Variants in TCF25 observed in about 807,000 individuals in gnomAD.
The protein encoded by TCF25 is TCF25 ribosome quality control complex subunit.
Under a neutral mutation model 83.1 loss-of-function variants are expected in TCF25, and 41 were observed. The ratio of observed to expected loss-of-function variants is 0.49; its 90% CI spans 0.38 to 0.64. The LOEUF is 0.64. Among genes scored for constraint, TCF25 ranks in the 30% least tolerant of loss-of-function variants. TCF25 has a pLI of 0.00. For synonymous variants in TCF25, 458 were observed against 365.0 expected, an observed-to-expected ratio of 1.25 and a Z score of -2.90; for missense variants, 979 against 914.5, an observed-to-expected ratio of 1.07 and a Z score of -0.91.
At chr16:89,883,271 C>G (rs1597281490) in intron 1 of TCF25, 80 bp from the exon 2 acceptor site, 19 of 1,555,536 alleles carry the variant, frequency 1.2e-5, no homozygotes, top group Non-Finnish European at 1.7e-5. Flanking sequence ...CAAGCCCGTT[C>G]ACATCTCACT....
At position 89,898,628 on chromosome 16, in the gene TCF25, A is replaced by C; in HGVS notation, c.1094A>C (p.Glu365Ala). Residue 365 changes from glutamate to alanine, a missense_variant, in exon 10 of 18, where the codon GAG (glutamate) becomes GCG (alanine). Coordinates refer to ENST00000263346, the MANE Select transcript of TCF25 (RefSeq NM_014972.3). The stretch of plus-strand genomic sequence containing the variant: ...CGAGGCTGCCCGCGCACGGCGCTGG[A>C]GTACTGCAAGCTCATCCTGAGGTGA... ...EKRGCPRTAL[E>A]YCKLILSLEP... 3 of 1,612,938 alleles carry C rather than the reference A, an allele frequency of 1.9e-6. No homozygotes were observed. Among genetic ancestry groups the C allele is most frequent in the Non-Finnish European group, 2.5e-6 (3 of 1,180,010 alleles).
rs866364815 is a variant in TCF25, at chr16:89,877,117, T to A, written c.192+3258T>A. 2.6e-3 allele frequency among the ~76,000 whole-genome samples: 385 copies of A among 150,420 alleles called. 4 individuals carry two copies. The highest frequency in any genetic ancestry group is 8.5e-3 in the African/African-American group (343 of 40,194). On this transcript the variant is annotated intron_variant, in intron 1 of 17. Coordinates refer to ENST00000263346, the MANE Select transcript of TCF25 (RefSeq NM_014972.3). Reference sequence around the variant, plus strand: ...ACTCTGTCTCAAAAAAATAAATAAATAAATAAATAAATAAATCGTAATAAT... The same window carrying A: ...ACTCTGTCTCAAAAAAATAAATAAAAAAATAAATAAATAAATCGTAATAAT...
Position 89,911,264 on chromosome 16 carries a change from C to A in TCF25, c.*26C>A. 6.2e-7 allele frequency: 1 copy of A among 1,606,426 alleles called. No homozygotes were observed. The highest frequency in any genetic ancestry group is 8.5e-7 in the Non-Finnish European group (1 of 1,175,064). On this transcript the variant is annotated 3_prime_UTR_variant, in exon 18 of 18. Transcript: ENST00000263346. ...GCGTCCGCAGAGGTGACCGAAAAGC[C>A]GTATGATGATGTTCCCGATTTCTCT...
At chr16:89,885,663 G>A (rs7205500) in intron 3 of TCF25, among the ~76,000 whole-genome samples, 185 bp from the exon 4 acceptor site, 6,501 of 152,206 alleles carry the variant, frequency 0.043, 492 homozygotes, top group African/African-American at 0.15. Flanking sequence ...TATGCTGAGC[G>A]CTTCTTAGGA....
chr16:89,893,299 C>T (rs1045898346), intron 6 of TCF25, among the ~76,000 whole-genome samples: 3 of 152,206 alleles, frequency 2.0e-5, no homozygotes, highest in Non-Finnish European at 2.9e-5. Flanking sequence ...AGAGGCCTGG[C>T]GCTGTGGCCA....
In TCF25 at chr16:89,892,740, T is replaced by G. The variant is rs535106276; in HGVS notation, c.697+465T>G. On this transcript the variant is annotated intron_variant, in intron 6 of 17. Transcript: ENST00000263346. ...TGCAACAGTGAAGACAGGCATGGAGTGTTGGGTGCTTGGTTGTGTGGTGTG... is the reference window on the plus strand; with the variant it reads ...TGCAACAGTGAAGACAGGCATGGAGGGTTGGGTGCTTGGTTGTGTGGTGTG... Among the ~76,000 whole-genome samples, 4 of 151,910 alleles carry G rather than the reference T, an allele frequency of 2.6e-5. No homozygotes were observed. In the East Asian group the frequency reaches 7.8e-4, roughly 30 times the overall value.
intron 15 of TCF25, 34 bp from the exon 16 acceptor site, chr16:89,907,209 C>A: frequency 6.2e-7 from 1 of 1,608,686 alleles, no homozygotes; most frequent in Non-Finnish European, 8.5e-7. Context: ...CTGGCAGCAT[C>A]TGTAGCATCT....
intron 6 of TCF25, among the ~76,000 whole-genome samples, chr16:89,893,411 C>T (rs543854192): frequency 1.3e-5 from 2 of 152,326 alleles, no homozygotes; most frequent in South Asian, 2.1e-4. Context: ...TCAGATCTGG[C>T]GATCTGTGGA....
intron 5 of TCF25, among the ~76,000 whole-genome samples, chr16:89,888,940 G>A (rs1220621556): frequency 6.7e-6 from 1 of 150,162 alleles, no homozygotes; most frequent in Admixed American, 6.7e-5. Flanking sequence ...ACTTGCCTTG[G>A]CCTCCCAAAG....
intron 16 of TCF25, 60 bp downstream of exon 16, chr16:89,907,382 GCTCCCA>G: frequency 2.5e-6 from 1 of 400,464 alleles, no homozygotes; most frequent in Non-Finnish European, 3.5e-6. Context: ...CCAGTTCCCA[GCTCCCA>G]GCTCCCACCT....
chr16:89,885,405 A>G (rs2042928489), intron 3 of TCF25, among the ~76,000 whole-genome samples: 1 of 152,204 alleles, frequency 6.6e-6, no homozygotes, highest in East Asian at 1.9e-4. Context: ...CATCTGTCCC[A>G]TGCTTATGGG....
chr16:89,884,678 G>A (rs200760925), intron 3 of TCF25, 22 bp downstream of exon 3: 1 of 1,607,620 alleles, frequency 6.2e-7, no homozygotes, highest in Non-Finnish European at 8.5e-7. Flanking sequence ...GGGCCTGGCT[G>A]TGCTCTGTCC....
chr16:89,880,229 T>G (rs180851496), intron 1 of TCF25, among the ~76,000 whole-genome samples: 27 of 152,336 alleles, frequency 1.8e-4, no homozygotes, highest in Admixed American at 1.2e-3. Flanking sequence ...GAATTCGATT[T>G]GTCAAACACC....
intron 4 of TCF25, among the ~76,000 whole-genome samples, chr16:89,887,229 G>C (rs531097719): frequency 6.6e-6 from 1 of 152,022 alleles, no homozygotes; most frequent in East Asian, 1.9e-4. Flanking sequence ...GTCATCCTTG[G>C]ATGATTAATT....
chr16:89,911,258 A>T lies in TCF25; in HGVS notation c.*20A>T, dbSNP rs1290133177. 1.9e-6 allele frequency: 3 copies of T among 1,610,756 alleles called. No individual in the cohort carries two copies. In the African/African-American group the frequency reaches 4.0e-5, roughly 22 times the overall value. ...GACTGAGCGTCCGCAGAGGTGACCG[A>T]AAAGCCGTATGATGATGTTCCCGAT... On this transcript the variant is annotated 3_prime_UTR_variant, in exon 18 of 18. Coordinates refer to ENST00000263346, the MANE Select transcript of TCF25 (RefSeq NM_014972.3).
intron 14 of TCF25, 79 bp downstream of exon 14, chr16:89,905,175 G>A (rs971139964): frequency 2.2e-5 from 32 of 1,463,700 alleles, no homozygotes; most frequent in African/African-American, 1.3e-4. Context: ...CCTCGCATTC[G>A]GGAGGCGAGA....
chr16:89,899,506 C>T (rs1354006933), intron 11 of TCF25, among the ~76,000 whole-genome samples: 2 of 152,080 alleles, frequency 1.3e-5, no homozygotes, highest in Non-Finnish European at 2.9e-5. Context: ...CCGAGGCGGG[C>T]GGATCACCTG....
At chr16:89,887,106 C>A (rs1214214208) in intron 4 of TCF25, among the ~76,000 whole-genome samples, 1 of 151,910 alleles carries the variant, frequency 6.6e-6, no homozygotes, top group East Asian at 1.9e-4. Flanking sequence ...TGATCATAGC[C>A]CACTGCAGCC....
At chr16:89,874,228 G>A (rs904962135) in intron 1 of TCF25, among the ~76,000 whole-genome samples, 3 of 152,252 alleles carry the variant, frequency 2.0e-5, no homozygotes, top group Admixed American at 1.3e-4. Context: ...ACGTCCGCGG[G>A]GCCGGGCCAC....
Sources: allele counts gnomAD v4.1 joint callset (sites outside exome capture counted in the v4.1 genomes callset), GRCh38; gene constraint gnomAD v4.1.1; transcripts MANE v1.5; gene names NCBI Gene and HGNC (gene_info 2026-07-23, HGNC 2026-07-21).